PLXNA2: variants seen among roughly 807,000 people sequenced by gnomAD.
PLXNA2 encodes the protein plexin A2.
Under a neutral mutation model 193.5 loss-of-function variants are expected in PLXNA2, and 91 were observed. The observed-to-expected ratio is 0.47, with a 90% CI of 0.40 to 0.56. The LOEUF (loss-of-function observed/expected upper bound fraction) is 0.56, where lower values mean the gene tolerates loss of function less well. Ranked by LOEUF, PLXNA2 falls within the 20% of genes least tolerant of loss-of-function variation. PLXNA2 has a pLI of 0.00. For synonymous variants in PLXNA2, 997 were observed against 1,027.3 expected, an observed-to-expected ratio of 0.97 and a Z score of 0.56; for missense variants, 1,995 against 2,503.2, an observed-to-expected ratio of 0.80 and a Z score of 4.33.
chr1:208,113,171 G>A (rs556127364), intron 4 of PLXNA2, among the ~76,000 whole-genome samples: 9 of 152,308 alleles, frequency 5.9e-5, no homozygotes, highest in African/African-American at 1.9e-4. Context: ...CTGGGGACCA[G>A]ATGCCTGGGA....
rs17011952 is a variant in PLXNA2, at chr1:208,108,055, C to T, written c.1507-4808G>A. Reference sequence around the variant, plus strand: ...TGGCTCTCCTGGCCCCGGGGCCCCGCGTCTCTGGTGCCTTCCTTGGCCTGA... The same window carrying T: ...TGGCTCTCCTGGCCCCGGGGCCCCGTGTCTCTGGTGCCTTCCTTGGCCTGA... On this transcript the variant is annotated intron_variant, in intron 4 of 31. Coordinates refer to ENST00000367033, the MANE Select transcript of PLXNA2 (RefSeq NM_025179.4). Among the ~76,000 whole-genome samples, 135 of 152,242 alleles carry T rather than the reference C, an allele frequency of 8.9e-4. 2 individuals are homozygous for T. The East Asian group carries it at 0.02, about 22-fold the overall frequency.
intron 1 of PLXNA2, among the ~76,000 whole-genome samples, chr1:208,237,754 C>T (rs1671913417): frequency 6.6e-6 from 1 of 152,194 alleles, no homozygotes; most frequent in African/African-American, 2.4e-5. Context: ...TTCCTCTGAC[C>T]CCCTAGTACA....
intron 12 of PLXNA2, among the ~76,000 whole-genome samples, chr1:208,070,865 G>A (rs548641083): frequency 6.6e-6 from 1 of 152,352 alleles, no homozygotes; most frequent in African/African-American, 2.4e-5. Context: ...TTTTTCTCAT[G>A]ACTGTTTTAT....
In PLXNA2 at chr1:208,127,864, C is replaced by T. The variant is rs555500305; in HGVS notation, c.1506+14465G>A. 4.6e-5 allele frequency among the ~76,000 whole-genome samples: 7 copies of T among 152,298 alleles called. No individual in the cohort carries two copies. The East Asian group carries it at 5.8e-4, about 13-fold the overall frequency. ...AATCTGCAGTAGAAATCCCCCCTGG[C>T]GGGAGCAGCGAGTAGGGAAGATCAA... On this transcript the variant is annotated intron_variant, in intron 4 of 31. Coordinates refer to ENST00000367033, the MANE Select transcript of PLXNA2 (RefSeq NM_025179.4).
chr1:208,032,233 G>T, intron 28 of PLXNA2: 1 of 649,414 alleles, frequency 1.5e-6, no homozygotes, highest in Non-Finnish European at 1.9e-6. Context: ...GTGGTATCTG[G>T]AATGTGGAAT....
At position 208,038,238 on chromosome 1, in the gene PLXNA2, G is replaced by A. The variant is rs1377725598; in HGVS notation, c.4764+133C>T. The A allele has an allele frequency of 1.0e-5, 7 of 691,080 alleles. No individual in the cohort carries two copies. The highest frequency in any genetic ancestry group is 1.8e-5 in the Non-Finnish European group (7 of 379,546). The allele number at this position is 691,080 out of a possible 1,614,324, so 42.8% of individuals were successfully genotyped here. A position where few individuals can be genotyped will look rare whatever the true frequency, so the allele number is the denominator to read the frequency against. On this transcript the variant is annotated intron_variant, in intron 26 of 31. Coordinates refer to ENST00000367033, the MANE Select transcript of PLXNA2 (RefSeq NM_025179.4). The surrounding 1 kb of genome is among the most constrained non-coding windows in gnomAD (Gnocchi z 4.1). Reference sequence around the variant, plus strand: ...TGGGCAGCCATGGCTAAGAATCCCTGTTCTATGCTCCAGCAGGAGGAGGAA... The same window carrying A: ...TGGGCAGCCATGGCTAAGAATCCCTATTCTATGCTCCAGCAGGAGGAGGAA...
At chr1:208,080,590 G>T (rs1666303846) in intron 11 of PLXNA2, among the ~76,000 whole-genome samples, 1 of 152,132 alleles carries the variant, frequency 6.6e-6, no homozygotes, top group Non-Finnish European at 1.5e-5. Context: ...CTTCCCATAG[G>T]TCCTCATCCT....
chr1:208,096,977 C>T, intron 6 of PLXNA2, 94 bp from the exon 7 acceptor site: 1 of 1,065,806 alleles, frequency 9.4e-7, no homozygotes, highest in Non-Finnish European at 1.3e-6. Context: ...GCTCACTGAT[C>T]TCCCCTGACC....
intron 17 of PLXNA2, among the ~76,000 whole-genome samples, chr1:208,050,107 G>A (rs1388358403): frequency 2.0e-5 from 3 of 152,182 alleles, no homozygotes; most frequent in Non-Finnish European, 2.9e-5. Context: ...AAAATTACAT[G>A]GCTATGCATG....
At chr1:208,187,247 G>A (rs967642825) in intron 3 of PLXNA2, among the ~76,000 whole-genome samples, 27 of 152,166 alleles carry the variant, frequency 1.8e-4, no homozygotes, top group Admixed American at 1.8e-3. Context: ...CCTTAGAGAA[G>A]GGTCCCAGCA....
At position 208,044,464 on chromosome 1, in the gene PLXNA2, T is replaced by C. The variant is rs1571856004; in HGVS notation, c.3874+44A>G. On this transcript the variant is annotated intron_variant, in intron 20 of 31. Coordinates refer to ENST00000367033, the MANE Select transcript of PLXNA2 (RefSeq NM_025179.4). This position sits in a 1 kb window ranked among gnomAD's most constrained non-coding sequence, Gnocchi z 4.9. ...GCAGGGAGAAGGGCAATAAGGCAGG[T>C]GGAGAAAGAGGGACCCAGCAAATGA... The C allele has an allele frequency of 7.3e-7, 1 of 1,372,622 alleles. No homozygotes were observed. Among genetic ancestry groups the C allele is most frequent in the Admixed American group, 1.7e-5 (1 of 59,260 alleles). 85.0% of individuals were successfully genotyped at this position (1,372,622 alleles called of 1,614,324 possible).
chr1:208,168,408 G>GTATT (rs1480594366), intron 3 of PLXNA2, among the ~76,000 whole-genome samples: 1 of 152,182 alleles, frequency 6.6e-6, no homozygotes, highest in Non-Finnish European at 1.5e-5. Flanking sequence ...GTTCACTGAT[G>GTATT]TATTCCTAAC....
intron 3 of PLXNA2, among the ~76,000 whole-genome samples, chr1:208,144,340 A>T (rs1391029297): frequency 6.6e-6 from 1 of 152,188 alleles, no homozygotes; most frequent in Admixed American, 6.5e-5. Context: ...GAGTGGGAGA[A>T]GAGCTTCCAT....
intron 10 of PLXNA2, among the ~76,000 whole-genome samples, chr1:208,083,013 C>T (rs1666397392): frequency 6.6e-6 from 1 of 152,176 alleles, no homozygotes; most frequent in Non-Finnish European, 1.5e-5. Context: ...ACGTGTCTCC[C>T]TAAAAAGTCC....
At chr1:208,211,021 C>T (rs1558246538) in intron 2 of PLXNA2, among the ~76,000 whole-genome samples, 1 of 152,196 alleles carries the variant, frequency 6.6e-6, no homozygotes, top group South Asian at 2.1e-4. Context: ...GGAATTCTAG[C>T]TCCCTACTAT....
Position 208,099,241 on chromosome 1 carries a change from T to C in PLXNA2, c.1608-272A>G, listed in dbSNP as rs544257120. Among the ~76,000 whole-genome samples, 141 of 152,322 alleles carry C rather than the reference T, an allele frequency of 9.3e-4. 2 individuals are homozygous for C. Among genetic ancestry groups the C allele is most frequent in the Admixed American group, 1.2e-3 (19 of 15,306 alleles). ...CAGTGGAGGGTGTTCAGGTTCTTGA[T>C]GTCTTGAACAAAGAATTGGACAAAA... On this transcript the variant is annotated intron_variant, in intron 5 of 31. Transcript: ENST00000367033.
At chr1:208,237,303 T>C (rs73082048) in intron 1 of PLXNA2, among the ~76,000 whole-genome samples, 2,955 of 152,276 alleles carry the variant, frequency 0.019, 95 homozygotes, top group African/African-American at 0.068. Flanking sequence ...GGTCCTTCCA[T>C]TTAATAACTT....
intron 6 of PLXNA2, among the ~76,000 whole-genome samples, chr1:208,097,291 G>A (rs12069520): frequency 0.31 from 47,848 of 152,086 alleles, 7,896 homozygotes; most frequent in South Asian, 0.38. Context: ...TGGCTCATGG[G>A]AGTAAATATC....
intron 3 of PLXNA2, among the ~76,000 whole-genome samples, chr1:208,177,825 A>G (rs1669706989): frequency 1.3e-5 from 2 of 152,264 alleles, no homozygotes; most frequent in Admixed American, 6.5e-5. Context: ...AATGAATCAG[A>G]AACTCTGGGG....
Sources: allele counts gnomAD v4.1 joint callset (sites outside exome capture counted in the v4.1 genomes callset), GRCh38; gene constraint gnomAD v4.1.1; non-coding constraint Gnocchi (gnomAD v3.1); transcripts MANE v1.5; gene names NCBI Gene and HGNC (gene_info 2026-07-23, HGNC 2026-07-21).